PACRG: variants seen among roughly 807,000 people sequenced by gnomAD.
The protein encoded by PACRG is parkin coregulated gene protein.
Under a neutral mutation model 29.7 loss-of-function variants are expected in PACRG, and 29 were observed. The ratio of observed to expected loss-of-function variants is 0.98; its 90% CI spans 0.73 to 1.33. The LOEUF (loss-of-function observed/expected upper bound fraction) is 1.33, where lower values mean the gene tolerates loss of function less well. PACRG is among the 40% of genes most tolerant of loss of function. The pLI, the probability that PACRG is intolerant of heterozygous loss-of-function variation, is 0.00. For synonymous variants in PACRG, 116 were observed against 118.7 expected, an observed-to-expected ratio of 0.98 and a Z score of 0.15; for missense variants, 279 against 316.2, an observed-to-expected ratio of 0.88 and a Z score of 0.89.
intron 2 of PACRG, among the ~76,000 whole-genome samples, chr6:162,989,730 T>A (rs1313675102): frequency 2.6e-5 from 4 of 151,360 alleles, no homozygotes; most frequent in Non-Finnish European, 2.9e-5. Flanking sequence ...TCCTTTTTTT[T>A]TTTTTCTTTT....
intron 1 of PACRG, among the ~76,000 whole-genome samples, chr6:162,787,966 C>T (rs1305817319): frequency 6.6e-6 from 1 of 152,010 alleles, no homozygotes; most frequent in Non-Finnish European, 1.5e-5. Context: ...AGGGAGTTCC[C>T]GTGTGCTCCC....
chr6:163,058,902 A>AAAAC (rs1271593472), intron 2 of PACRG, among the ~76,000 whole-genome samples: 1 of 151,904 alleles, frequency 6.6e-6, no homozygotes, highest in South Asian at 2.1e-4. Flanking sequence ...TCCGTCTCAA[A>AAAAC]AAACAAACAA....
At chr6:163,045,467 GGCGC>G (rs1809239374) in intron 2 of PACRG, among the ~76,000 whole-genome samples, 1 of 152,094 alleles carries the variant, frequency 6.6e-6, no homozygotes, top group African/African-American at 2.4e-5. Context: ...TGGGATTACA[GGCGC>G]CCGTCAACAC....
intron 4 of PACRG, among the ~76,000 whole-genome samples, chr6:163,200,488 G>C (rs552192373): frequency 6.6e-6 from 1 of 152,062 alleles, no homozygotes; most frequent in Non-Finnish European, 1.5e-5. Context: ...GGGTATGAAC[G>C]TGGGCACGTG....
At chr6:163,170,916 A>G (rs992881479) in intron 4 of PACRG, 3 of 152,172 alleles carry the variant, frequency 2.0e-5, no homozygotes, top group African/African-American at 7.2e-5. Flanking sequence ...TGTAGCTCCT[A>G]ATGTCAGCTC....
intron 1 of PACRG, among the ~76,000 whole-genome samples, chr6:162,810,629 A>T (rs1419643274): frequency 6.6e-6 from 1 of 152,346 alleles, no homozygotes; most frequent in African/African-American, 2.4e-5. Flanking sequence ...GAAATTGTAG[A>T]ACTGAAAATA....
intron 4 of PACRG, among the ~76,000 whole-genome samples, chr6:163,125,957 A>T (rs534874151): frequency 6.6e-6 from 1 of 152,384 alleles, no homozygotes; most frequent in South Asian, 2.1e-4. Flanking sequence ...AGTTTATTGT[A>T]ACATAAAACA....
intron 2 of PACRG, among the ~76,000 whole-genome samples, chr6:162,999,765 A>G (rs755750448): frequency 6.6e-6 from 1 of 152,220 alleles, no homozygotes; most frequent in African/African-American, 2.4e-5. Context: ...GTTTTACTTT[A>G]GCCTCAGCCT....
intron 2 of PACRG, among the ~76,000 whole-genome samples, chr6:162,975,345 T>C (rs912953930): frequency 2.0e-5 from 3 of 152,194 alleles, no homozygotes; most frequent in Admixed American, 6.5e-5. Context: ...TTAGTATGTA[T>C]TACAACTTGC....
At chr6:163,090,032 T>A (rs1310954170) in intron 4 of PACRG, among the ~76,000 whole-genome samples, 1 of 152,160 alleles carries the variant, frequency 6.6e-6, no homozygotes, top group Non-Finnish European at 1.5e-5. Context: ...TTTTCTTTTT[T>A]GTTGTTAATT....
chr6:162,765,592 G>C (rs374157880), intron 1 of PACRG, among the ~76,000 whole-genome samples: 1 of 152,108 alleles, frequency 6.6e-6, no homozygotes, highest in African/African-American at 2.4e-5. Context: ...GTAAGTGATG[G>C]TAACATAGTG....
At chr6:162,796,619 C>T (rs1785401447) in intron 1 of PACRG, among the ~76,000 whole-genome samples, 1 of 151,750 alleles carries the variant, frequency 6.6e-6, no homozygotes, top group African/African-American at 2.4e-5. Flanking sequence ...TCAATAATAT[C>T]ATATTTCATA....
At chr6:162,885,666 G>A (rs1417732696) in intron 2 of PACRG, among the ~76,000 whole-genome samples, 1 of 152,198 alleles carries the variant, frequency 6.6e-6, no homozygotes, top group Non-Finnish European at 1.5e-5. Flanking sequence ...AACCAACCCT[G>A]TATTTCCTTG....
intron 2 of PACRG, among the ~76,000 whole-genome samples, chr6:162,903,204 A>AC (rs1271437285): frequency 1.3e-5 from 2 of 152,086 alleles, no homozygotes; most frequent in Non-Finnish European, 2.9e-5. Context: ...AATCAGACCC[A>AC]CCCCCGACCA....
chr6:162,974,289 A>G (rs1801771939), intron 2 of PACRG, among the ~76,000 whole-genome samples: 1 of 152,232 alleles, frequency 6.6e-6, no homozygotes, highest in African/African-American at 2.4e-5. Context: ...CATTTTTAAA[A>G]TTCCAAAAAG....
chr6:163,311,501 C>G (rs570998351), intron 4 of PACRG, among the ~76,000 whole-genome samples: 1 of 152,296 alleles, frequency 6.6e-6, no homozygotes, highest in African/African-American at 2.4e-5. Context: ...ACTTAATCAT[C>G]TCAATTTCAG....
chr6:163,243,532 G>T (rs1456639955), intron 4 of PACRG, among the ~76,000 whole-genome samples: 1 of 152,056 alleles, frequency 6.6e-6, no homozygotes, highest in African/African-American at 2.4e-5. Flanking sequence ...TGTGTAGCTG[G>T]TTGGCATCTA....
chr6:162,870,552 G>C (rs996311715), intron 2 of PACRG, among the ~76,000 whole-genome samples: 1 of 152,132 alleles, frequency 6.6e-6, no homozygotes, highest in South Asian at 2.1e-4. Context: ...AACCCAGTTC[G>C]TAGTCTGTTA....
chr6:162,953,001 A>G (rs1302108524), intron 2 of PACRG, among the ~76,000 whole-genome samples: 1 of 152,208 alleles, frequency 6.6e-6, no homozygotes, highest in Non-Finnish European at 1.5e-5. Flanking sequence ...CCATGGCTGT[A>G]GTCTGTGTAC....
Sources: allele counts gnomAD v4.1 joint callset (sites outside exome capture counted in the v4.1 genomes callset), GRCh38; gene constraint gnomAD v4.1.1; transcripts MANE v1.5; gene names NCBI Gene and HGNC (gene_info 2026-07-23, HGNC 2026-07-21).